Variants in SLC10A7 observed in about 807,000 individuals in gnomAD.
SLC10A7 encodes the protein solute carrier family 10 member 7.
In SLC10A7, 29 loss-of-function variants were observed where a neutral mutation model predicts 43.2. The observed-to-expected ratio is 0.67, with a 90% CI of 0.50 to 0.92. The LOEUF (loss-of-function observed/expected upper bound fraction) is 0.92, where lower values mean the gene tolerates loss of function less well. SLC10A7 is among the 40% of genes least tolerant of loss of function. SLC10A7 has a pLI of 0.00. For missense variants in SLC10A7, 295 were observed against 403.2 expected (o/e 0.73, Z 2.30); for synonymous variants, 152 against 144.8 (o/e 1.05, Z -0.35).
At chr4:146,286,872 A>AGTGGTG (rs1730023756) in intron 9 of SLC10A7, among the ~76,000 whole-genome samples, 1 of 151,464 alleles carries the variant, frequency 6.6e-6, no homozygotes, top group Non-Finnish European at 1.5e-5. Flanking sequence ...CTGTGTTTGG[A>AGTGGTG]ATGGTGAGAA....
At chr4:146,394,833 C>T (rs1738699056) in intron 5 of SLC10A7, among the ~76,000 whole-genome samples, 1 of 152,166 alleles carries the variant, frequency 6.6e-6, no homozygotes, top group Non-Finnish European at 1.5e-5. Context: ...CATGGGATCA[C>T]ATTTCTCCAT....
At chr4:146,475,734 T>TA (rs994126100) in intron 4 of SLC10A7, among the ~76,000 whole-genome samples, 11 of 151,724 alleles carry the variant, frequency 7.3e-5, no homozygotes, top group East Asian at 1.9e-4. Flanking sequence ...ATCAAACAAG[T>TA]AAAAAAAATA....
chr4:146,265,737 A>C (rs1258800187), intron 10 of SLC10A7, among the ~76,000 whole-genome samples: 1 of 152,226 alleles, frequency 6.6e-6, no homozygotes, highest in African/African-American at 2.4e-5. Context: ...ATTTAGAACA[A>C]ATACTAGTTG....
intron 3 of SLC10A7, among the ~76,000 whole-genome samples, chr4:146,508,637 C>T (rs567061992): frequency 6.6e-6 from 1 of 152,244 alleles, no homozygotes; most frequent in South Asian, 2.1e-4. Context: ...TCCTCCTCAC[C>T]CATCACTGCT....
intron 5 of SLC10A7, among the ~76,000 whole-genome samples, chr4:146,364,621 G>T (rs1021311614): frequency 6.6e-6 from 1 of 152,112 alleles, no homozygotes; most frequent in Non-Finnish European, 1.5e-5. Flanking sequence ...CCAGAGGCAG[G>T]AAAAGCAGTG....
At chr4:146,290,670 G>A (rs1027634658) in intron 9 of SLC10A7, among the ~76,000 whole-genome samples, 2 of 152,076 alleles carry the variant, frequency 1.3e-5, no homozygotes, top group African/African-American at 4.8e-5. Context: ...GACCAGCCTG[G>A]GCAACATAAC....
intron 5 of SLC10A7, among the ~76,000 whole-genome samples, chr4:146,424,793 C>A (rs1213765468): frequency 6.6e-6 from 1 of 152,070 alleles, no homozygotes; most frequent in Non-Finnish European, 1.5e-5. Context: ...CAACATTATA[C>A]TATTTTCCAA....
intron 5 of SLC10A7, among the ~76,000 whole-genome samples, chr4:146,418,502 C>T (rs753506324): frequency 6.6e-6 from 1 of 151,974 alleles, no homozygotes; most frequent in Non-Finnish European, 1.5e-5. Context: ...AGCTACATTG[C>T]TTATAGTATT....
At chr4:146,480,416 T>C (rs1734370113) in intron 4 of SLC10A7, among the ~76,000 whole-genome samples, 1 of 152,108 alleles carries the variant, frequency 6.6e-6, no homozygotes, top group African/African-American at 2.4e-5. Flanking sequence ...TTCTCTTTCG[T>C]GTAAAAGATG....
At chr4:146,381,588 A>T (rs1348202418) in intron 5 of SLC10A7, among the ~76,000 whole-genome samples, 1 of 152,104 alleles carries the variant, frequency 6.6e-6, no homozygotes, top group Non-Finnish European at 1.5e-5. Context: ...CACTGGAGGC[A>T]AGGAAGATTT....
chr4:146,457,000 G>T (rs1274765272), intron 4 of SLC10A7, among the ~76,000 whole-genome samples: 1 of 151,788 alleles, frequency 6.6e-6, no homozygotes, highest in Non-Finnish European at 1.5e-5. Context: ...TATACAACAG[G>T]CACATTATTT....
intron 5 of SLC10A7, among the ~76,000 whole-genome samples, chr4:146,373,513 G>A (rs1736943460): frequency 6.7e-6 from 1 of 149,738 alleles, no homozygotes; most frequent in Admixed American, 6.7e-5. Flanking sequence ...AAATACAAGG[G>A]CCAGGCAAAA....
chr4:146,273,155 T>C (rs570122110), intron 10 of SLC10A7, among the ~76,000 whole-genome samples: 76 of 152,306 alleles, frequency 5.0e-4, no homozygotes, highest in African/African-American at 1.7e-3. Context: ...AAGGATTCAA[T>C]ATACTGTGAG....
At chr4:146,462,347 A>T (rs1487021059) in intron 4 of SLC10A7, among the ~76,000 whole-genome samples, 1 of 152,154 alleles carries the variant, frequency 6.6e-6, no homozygotes, top group African/African-American at 2.4e-5. Flanking sequence ...ACAAACAATA[A>T]ATATGGAAAT....
chr4:146,450,641 G>A (rs1211430696), intron 4 of SLC10A7, among the ~76,000 whole-genome samples: 1 of 152,160 alleles, frequency 6.6e-6, no homozygotes, highest in Non-Finnish European at 1.5e-5. Flanking sequence ...TGCCAGCACT[G>A]TGTAAAAGCA....
chr4:146,277,082 C>G (rs1187520280), intron 10 of SLC10A7, among the ~76,000 whole-genome samples: 1 of 152,112 alleles, frequency 6.6e-6, no homozygotes, highest in Non-Finnish European at 1.5e-5. Context: ...GGTTGTGACC[C>G]ATTAGTGAGC....
chr4:146,263,043 C>G (rs530880897), intron 10 of SLC10A7, among the ~76,000 whole-genome samples: 59 of 152,386 alleles, frequency 3.9e-4, no homozygotes, highest in African/African-American at 1.4e-3. Context: ...GGTCCTCCCA[C>G]CCATCCTTGG....
intron 4 of SLC10A7, among the ~76,000 whole-genome samples, chr4:146,477,110 C>A (rs780640341): frequency 7.9e-5 from 12 of 152,206 alleles, no homozygotes; most frequent in Non-Finnish European, 1.5e-4. Context: ...AAGCCTTGAC[C>A]ACTACACAAA....
intron 5 of SLC10A7, among the ~76,000 whole-genome samples, chr4:146,430,636 A>G (rs1029304500): frequency 6.6e-6 from 1 of 152,172 alleles, no homozygotes; most frequent in Non-Finnish European, 1.5e-5. Context: ...TCCACTTATT[A>G]AAAATATCAC....
Sources: allele counts gnomAD v4.1 joint callset (sites outside exome capture counted in the v4.1 genomes callset), GRCh38; gene constraint gnomAD v4.1.1; transcripts MANE v1.5; gene names NCBI Gene and HGNC (gene_info 2026-07-23, HGNC 2026-07-21).